Variants in SLC18A1 observed in about 807,000 individuals in gnomAD.
The protein encoded by SLC18A1 is solute carrier family 18 member A1.
In SLC18A1, 69 loss-of-function variants were observed where a neutral mutation model predicts 53.7. That is an observed-to-expected ratio of 1.28 (90% CI 1.06 to 1.57). The LOEUF (loss-of-function observed/expected upper bound fraction) is 1.57. Ranked by LOEUF, SLC18A1 falls within the 40% of genes most tolerant of loss-of-function variation. The pLI is 0.00. For missense variants in SLC18A1, 932 were observed against 668.1 expected, an observed-to-expected ratio of 1.40 and a Z score of -4.35; for synonymous variants, 320 against 248.1, an observed-to-expected ratio of 1.29 and a Z score of -2.72.
chr8:20,171,180 G>A (rs1242247191), intron 7 of SLC18A1, 34 bp from the exon 8 acceptor site: 4 of 1,611,782 alleles, frequency 2.5e-6, no homozygotes, highest in East Asian at 2.2e-5. Flanking sequence ...AGTTCAGCGT[G>A]TCTACTGATT....
rs1238111850 is a variant in SLC18A1 at position 20,173,127 on chromosome 8, A to T, written c.633T>A (p.Gly211=). The part of the protein sequence containing the change: ...GIGSSFSSVA[G]LGMLASVYTD... ...TGTAGACACTGGCCAGCATTCCAAG[A>T]CCTGCGCAGAGAGTTACAGATGCAG... Residue 211 remains glycine (G), a splice_region_variant and synonymous_variant, in exon 6 of 16, where the codon GGT becomes GGA. Transcript: ENST00000276373. 2 of 1,566,218 alleles carry T rather than the reference A, an allele frequency of 1.3e-6. No homozygotes were observed. Among genetic ancestry groups the T allele is most frequent in the Non-Finnish European group, 1.7e-6 (2 of 1,155,944 alleles).
At chr8:20,176,416 A>G (rs1362715955) in intron 4 of SLC18A1, among the ~76,000 whole-genome samples, 1 of 152,138 alleles carries the variant, frequency 6.6e-6, no homozygotes, top group Non-Finnish European at 1.5e-5. Flanking sequence ...ACCTCTTTCT[A>G]ATATAAATGA....
intron 4 of SLC18A1, 144 bp downstream of exon 4, chr8:20,178,291 C>A: frequency 1.5e-6 from 1 of 650,808 alleles, no homozygotes; most frequent in South Asian, 2.1e-5. Flanking sequence ...ATACCAAAAA[C>A]AGCAGAGCAT....
At chr8:20,171,321 C>G in intron 7 of SLC18A1, 84 bp downstream of exon 7, 1 of 1,350,636 alleles carries the variant, frequency 7.4e-7, no homozygotes. Flanking sequence ...ACCGCCCATT[C>G]TTAGTGAAGA....
chr8:20,149,669 T>C lies in SLC18A1; in HGVS notation c.1146+7A>G, dbSNP rs369120212. On this transcript the variant is annotated splice_region_variant and intron_variant, in intron 12 of 15. Transcript: ENST00000276373. ...CCTTCCCCTCCCCCAGGTCTTCTTA[T>C]ACTTACACAGAGCAAGCTGGTACCT... 65 of 1,611,870 alleles carry C rather than the reference T, an allele frequency of 4.0e-5. No individual in the cohort carries two copies. The highest frequency in any genetic ancestry group is 5.1e-5 in the Non-Finnish European group (60 of 1,178,692).
intron 3 of SLC18A1, among the ~76,000 whole-genome samples, chr8:20,178,728 C>T (rs193275567): frequency 6.6e-6 from 1 of 152,216 alleles, no homozygotes; most frequent in East Asian, 1.9e-4. Context: ...GAAATGATAG[C>T]CTAGGTGGAG....
At chr8:20,148,896 C>G (rs1314960441) in intron 12 of SLC18A1, among the ~76,000 whole-genome samples, 1 of 152,150 alleles carries the variant, frequency 6.6e-6, no homozygotes, top group East Asian at 1.9e-4. Context: ...ATTACCTTGA[C>G]AACCCTGTGG....
intron 14 of SLC18A1, 71 bp downstream of exon 14, chr8:20,147,532 C>A (rs537901238): frequency 2.5e-6 from 4 of 1,602,498 alleles, no homozygotes; most frequent in Non-Finnish European, 2.6e-6. Flanking sequence ...AGGAGGATAG[C>A]TTCCTGGCTG....
chr8:20,177,689 G>T (rs1488864738), intron 4 of SLC18A1, among the ~76,000 whole-genome samples: 1 of 152,208 alleles, frequency 6.6e-6, no homozygotes, highest in East Asian at 1.9e-4. Context: ...GAGGTGTGTT[G>T]TTGGAGAGCA....
At chr8:20,157,538 C>T (rs1263367011) in intron 10 of SLC18A1, among the ~76,000 whole-genome samples, 1 of 152,178 alleles carries the variant, frequency 6.6e-6, no homozygotes, top group Non-Finnish European at 1.5e-5. Context: ...CAGTGATATC[C>T]ATTATAACAC....
chr8:20,180,765 G>T, intron 2 of SLC18A1, 76 bp downstream of exon 2: 1 of 1,562,920 alleles, frequency 6.4e-7, no homozygotes, highest in Non-Finnish European at 8.7e-7. Flanking sequence ...ATTCACTGTT[G>T]AACTCAAGCA....
At chr8:20,166,276 G>GGGGT (rs2071955387) in intron 8 of SLC18A1, among the ~76,000 whole-genome samples, 1 of 60,756 alleles carries the variant, frequency 1.6e-5, no homozygotes, top group Admixed American at 1.9e-4. Context: ...ATTGTGTGTG[G>GGGGT]GTGTGTGTGT....
chr8:20,165,385 C>A (rs2071931604), intron 8 of SLC18A1, among the ~76,000 whole-genome samples: 1 of 152,044 alleles, frequency 6.6e-6, no homozygotes, highest in Non-Finnish European at 1.5e-5. Context: ...TTCACGTGAC[C>A]ATCAACAAGG....
intron 10 of SLC18A1, among the ~76,000 whole-genome samples, chr8:20,158,820 C>T (rs1479217092): frequency 6.6e-6 from 1 of 152,116 alleles, no homozygotes; most frequent in Non-Finnish European, 1.5e-5. Flanking sequence ...AGTCCTGGAC[C>T]TTAAGGATGC....
intron 2 of SLC18A1, among the ~76,000 whole-genome samples, chr8:20,179,715 A>G (rs144400937): frequency 8.0e-4 from 122 of 152,304 alleles, no homozygotes; most frequent in South Asian, 5.0e-3. Context: ...CTACTAAAAG[A>G]CTGTGCCTGC....
intron 2 of SLC18A1, among the ~76,000 whole-genome samples, chr8:20,180,445 T>A (rs1780205091): frequency 6.6e-6 from 1 of 152,114 alleles, no homozygotes; most frequent in South Asian, 2.1e-4. Context: ...GATATCCAAA[T>A]AAAATATGCT....
Position 20,179,487 on chromosome 8 carries a change from G to A in SLC18A1, c.125-3C>T. The A allele has an allele frequency of 1.2e-6, 2 of 1,605,194 alleles. No homozygotes were observed. The highest frequency in any genetic ancestry group is 8.5e-7 in the Non-Finnish European group (1 of 1,175,082). Reference sequence around the variant, plus strand: ...TAGGAAGGTGGGCACAATTGGCACTGAAAGTCAAAGAGGACAGGTGATGGG... The same window carrying A: ...TAGGAAGGTGGGCACAATTGGCACTAAAAGTCAAAGAGGACAGGTGATGGG... On this transcript the variant is annotated splice_region_variant and splice_polypyrimidine_tract_variant and intron_variant, in intron 2 of 15. Transcript: ENST00000276373.
chr8:20,155,218 A>G (rs2071653272), intron 10 of SLC18A1, among the ~76,000 whole-genome samples: 1 of 152,160 alleles, frequency 6.6e-6, no homozygotes, highest in Non-Finnish European at 1.5e-5. Context: ...CTCCAGTAAC[A>G]TCTGGTGGCC....
chr8:20,170,148 C>G (rs1049866237), intron 8 of SLC18A1, among the ~76,000 whole-genome samples: 2 of 152,152 alleles, frequency 1.3e-5, no homozygotes, highest in East Asian at 3.9e-4. Context: ...ACCCAGACAT[C>G]CTACTCCTAA....
Sources: allele counts gnomAD v4.1 joint callset (sites outside exome capture counted in the v4.1 genomes callset), GRCh38; gene constraint gnomAD v4.1.1; transcripts MANE v1.5; gene names NCBI Gene and HGNC (gene_info 2026-07-23, HGNC 2026-07-21).